Variants in RYR2 observed in about 807,000 individuals in gnomAD.
The protein encoded by RYR2 is cardiac muscle ryanodine receptor-calcium release channel.
RYR2 carries 227 observed loss-of-function variants against 601.1 expected under a neutral mutation model. The ratio of observed to expected loss-of-function variants is 0.38; its 90% CI spans 0.34 to 0.42. The LOEUF (loss-of-function observed/expected upper bound fraction) is 0.42. Ranked by LOEUF, RYR2 falls within the 10% of genes least tolerant of loss-of-function variation. The pLI is 1.00. For synonymous variants in RYR2, 2,223 were observed against 2,175.1 expected (o/e 1.02, Z -0.61); for missense variants, 4,646 against 6,156.5 (o/e 0.75, Z 8.21).
chr1:237,348,138 T>C (rs939911749), intron 3 of RYR2, among the ~76,000 whole-genome samples: 1 of 152,202 alleles, frequency 6.6e-6, no homozygotes, highest in African/African-American at 2.4e-5. Flanking sequence ...TTGAGGTATT[T>C]CTCTGTTGGT....
intron 1 of RYR2, among the ~76,000 whole-genome samples, chr1:237,239,363 C>G (rs1323062395): frequency 6.6e-6 from 1 of 152,092 alleles, no homozygotes; most frequent in East Asian, 1.9e-4. Context: ...CCAAGTGGGT[C>G]TTCTGGTTCC....
chr1:237,203,707 G>C (rs776644930), intron 1 of RYR2, among the ~76,000 whole-genome samples: 1 of 151,450 alleles, frequency 6.6e-6, no homozygotes, highest in Non-Finnish European at 1.5e-5. Context: ...TTTTTTTATT[G>C]AGGGAAAATT....
intron 66 of RYR2, among the ~76,000 whole-genome samples, chr1:237,704,691 C>A (rs1240110366): frequency 6.6e-6 from 1 of 150,908 alleles, no homozygotes; most frequent in Non-Finnish European, 1.5e-5. Flanking sequence ...TTTTTTAAGT[C>A]TTTTTTGTGC....
intron 10 of RYR2, among the ~76,000 whole-genome samples, chr1:237,413,305 T>C (rs917257233): frequency 2.0e-5 from 3 of 152,162 alleles, no homozygotes; most frequent in African/African-American, 7.2e-5. Context: ...ACCTTCAAGA[T>C]AGAGCTAAAA....
At chr1:237,813,620 A>C (rs1480007029) in intron 100 of RYR2, among the ~76,000 whole-genome samples, 1 of 152,220 alleles carries the variant, frequency 6.6e-6, no homozygotes, top group Non-Finnish European at 1.5e-5. Flanking sequence ...TTGCTTAGGA[A>C]GACAACTGCC....
rs1412516019 is a variant in RYR2 at position 237,784,423 on chromosome 1, C to T, written c.12711C>T (p.Ser4237=). The T allele has an allele frequency of 6.2e-7, 1 of 1,613,800 alleles. No individual in the cohort carries two copies. Among genetic ancestry groups the T allele is most frequent in the Admixed American group, 1.7e-5 (1 of 60,000 alleles). ...EEQGPRMAFF[S]ILTVRSALFA... The stretch of plus-strand genomic sequence containing the variant: ...AGGGGCCGAGGATGGCTTTCTTCTC[C>T]ATTCTGACGGTCAGGTCGGCCCTGT... Residue 4237 remains serine (S), a synonymous_variant, in exon 90 of 105, where the codon TCC becomes TCT. Transcript: ENST00000366574. This position sits in a 1 kb window ranked among gnomAD's most constrained non-coding sequence, Gnocchi z 7.1.
At chr1:237,483,506 G>A (rs976146933) in intron 17 of RYR2, among the ~76,000 whole-genome samples, 1 of 152,054 alleles carries the variant, frequency 6.6e-6, no homozygotes, top group African/African-American at 2.4e-5. Flanking sequence ...TAGGCACATC[G>A]GCTTACATCC....
At chr1:237,101,500 C>A (rs1390597669) in intron 1 of RYR2, among the ~76,000 whole-genome samples, 1 of 151,974 alleles carries the variant, frequency 6.6e-6, no homozygotes, top group Non-Finnish European at 1.5e-5. Flanking sequence ...TGAGCAGTTA[C>A]TAGGTTCTAT....
chr1:237,256,976 G>A (rs1345328618), intron 1 of RYR2, among the ~76,000 whole-genome samples: 1 of 152,044 alleles, frequency 6.6e-6, no homozygotes, highest in African/African-American at 2.4e-5. Context: ...AAACCAATTT[G>A]CTTGGCATTT....
intron 38 of RYR2, among the ~76,000 whole-genome samples, chr1:237,619,896 C>G (rs1186475519): frequency 6.6e-6 from 1 of 152,096 alleles, no homozygotes; most frequent in Non-Finnish European, 1.5e-5. Flanking sequence ...AAGACATTCT[C>G]AAATGACAGG....
chr1:237,476,126 A>G, intron 17 of RYR2, among the ~76,000 whole-genome samples: 1 of 152,220 alleles, frequency 6.6e-6, no homozygotes, highest in East Asian at 1.9e-4. Context: ...TGCAGTGATG[A>G]AAGTGGTCTC....
chr1:237,197,121 G>C (rs574804437), intron 1 of RYR2, among the ~76,000 whole-genome samples: 36 of 152,148 alleles, frequency 2.4e-4, no homozygotes, highest in African/African-American at 8.7e-4. Flanking sequence ...CTTATATTTA[G>C]CTACCTTGCT....
At chr1:237,073,351 G>A (rs1208715996) in intron 1 of RYR2, among the ~76,000 whole-genome samples, 1 of 152,086 alleles carries the variant, frequency 6.6e-6, no homozygotes, top group Non-Finnish European at 1.5e-5. Context: ...CAAGGCCAGA[G>A]GCGAACCTCA....
intron 29 of RYR2, among the ~76,000 whole-genome samples, chr1:237,579,233 T>TTGCTTC (rs1391013758): frequency 7.0e-6 from 1 of 142,244 alleles, no homozygotes; most frequent in Non-Finnish European, 1.5e-5. Flanking sequence ...TGAGGATAAT[T>TTGCTTC]TACTTCTTCT....
chr1:237,801,740 C>G lies in RYR2; in HGVS notation c.14091-116C>G, dbSNP rs1033309232. 5 of 556,040 alleles carry G rather than the reference C, an allele frequency of 9.0e-6. No homozygotes were observed. In the African/African-American group the frequency reaches 9.3e-5, roughly 10 times the overall value. The allele number at this position is 556,040 out of a possible 1,614,324, so 34.4% of individuals were successfully genotyped here. On this transcript the variant is annotated intron_variant, in intron 97 of 104. Transcript: ENST00000366574. ...TTGGCATCTGGGATAGAACTCGTTTCCCAAGAAGGTGTCCAAGTCTTGTCC... is the reference window on the plus strand; with the variant it reads ...TTGGCATCTGGGATAGAACTCGTTTGCCAAGAAGGTGTCCAAGTCTTGTCC...
At chr1:237,567,520 G>A (rs1176308354) in intron 28 of RYR2, among the ~76,000 whole-genome samples, 1 of 151,782 alleles carries the variant, frequency 6.6e-6, no homozygotes, top group African/African-American at 2.4e-5. Context: ...AGCTCGGGAG[G>A]TCGAGGCTGC....
At chr1:237,683,832 C>T (rs1686113478) in intron 62 of RYR2, among the ~76,000 whole-genome samples, 1 of 152,148 alleles carries the variant, frequency 6.6e-6, no homozygotes, top group South Asian at 2.1e-4. Context: ...ATGGCAGGCA[C>T]CTGGAGGCCA....
intron 22 of RYR2, among the ~76,000 whole-genome samples, chr1:237,505,834 T>G (rs1039153942): frequency 6.6e-6 from 1 of 152,216 alleles, no homozygotes; most frequent in African/African-American, 2.4e-5. Context: ...AACCAGTCCC[T>G]TACCTTGGGT....
chr1:237,430,001 A>G (rs1706626308), intron 12 of RYR2, among the ~76,000 whole-genome samples: 1 of 151,774 alleles, frequency 6.6e-6, no homozygotes, highest in Non-Finnish European at 1.5e-5. Flanking sequence ...ATTGTTGAAT[A>G]AAACAACATT....
Sources: allele counts gnomAD v4.1 joint callset (sites outside exome capture counted in the v4.1 genomes callset), GRCh38; gene constraint gnomAD v4.1.1; non-coding constraint Gnocchi (gnomAD v3.1); transcripts MANE v1.5; gene names NCBI Gene and HGNC (gene_info 2026-07-23, HGNC 2026-07-21).